The following PTPRR variants were observed in gnomAD, a reference collection of about 807,000 sequenced individuals.
The protein encoded by PTPRR is protein tyrosine phosphatase receptor type R.
Under a neutral mutation model 77.2 loss-of-function variants are expected in PTPRR, and 38 were observed. The ratio of observed to expected loss-of-function variants is 0.49; its 90% CI spans 0.38 to 0.65. The LOEUF is 0.65. PTPRR is among the 30% of genes least tolerant of loss of function. The pLI, the probability that PTPRR is intolerant of heterozygous loss-of-function variation, is 0.00. For missense variants in PTPRR, 744 were observed against 799.2 expected, an observed-to-expected ratio of 0.93 and a Z score of 0.83; for synonymous variants, 299 against 283.1, an observed-to-expected ratio of 1.06 and a Z score of -0.57.
chr12:70,670,553 T>C (rs1887185098), intron 10 of PTPRR, among the ~76,000 whole-genome samples: 1 of 152,252 alleles, frequency 6.6e-6, no homozygotes, highest in Non-Finnish European at 1.5e-5. Context: ...CAATAAATGG[T>C]AGTGGCTAGA....
At chr12:70,695,523 C>A (rs565902762) in intron 8 of PTPRR, among the ~76,000 whole-genome samples, 51 of 152,238 alleles carry the variant, frequency 3.4e-4, no homozygotes, top group African/African-American at 8.9e-4. Context: ...CTGAATCCAG[C>A]GGTCCACCCA....
At chr12:70,919,458 T>C (rs1455648205) in intron 1 of PTPRR, among the ~76,000 whole-genome samples, 4 of 152,184 alleles carry the variant, frequency 2.6e-5, no homozygotes, top group Admixed American at 2.0e-4. Flanking sequence ...CTGCATTAAA[T>C]AGAGGTGCTA....
At chr12:70,836,559 C>A (rs1188796282) in intron 2 of PTPRR, among the ~76,000 whole-genome samples, 1 of 152,044 alleles carries the variant, frequency 6.6e-6, no homozygotes, top group Non-Finnish European at 1.5e-5. Flanking sequence ...CTAGCCCCTT[C>A]TCATCACTCT....
intron 5 of PTPRR, among the ~76,000 whole-genome samples, chr12:70,750,512 C>G (rs1270409943): frequency 6.6e-6 from 1 of 152,136 alleles, no homozygotes; most frequent in East Asian, 1.9e-4. Flanking sequence ...TACTTTAAAT[C>G]AAGCTTATTA....
At chr12:70,853,496 C>G (rs1892604384) in intron 2 of PTPRR, among the ~76,000 whole-genome samples, 2 of 152,244 alleles carry the variant, frequency 1.3e-5, no homozygotes, top group African/African-American at 4.8e-5. Flanking sequence ...TTAAGCAATA[C>G]TGCCTTTGGC....
At chr12:70,885,022 G>A (rs1393317356) in intron 2 of PTPRR, among the ~76,000 whole-genome samples, 2 of 151,528 alleles carry the variant, frequency 1.3e-5, no homozygotes, top group Non-Finnish European at 1.5e-5. Flanking sequence ...TACTCCTTTG[G>A]CTATTTTAAA....
At chr12:70,752,815 G>A (rs1178949788) in intron 5 of PTPRR, among the ~76,000 whole-genome samples, 1 of 152,076 alleles carries the variant, frequency 6.6e-6, no homozygotes, top group Non-Finnish European at 1.5e-5. Context: ...CCATATAAAG[G>A]AAGAATCACG....
At chr12:70,748,529 T>C (rs1229401251) in intron 5 of PTPRR, among the ~76,000 whole-genome samples, 1 of 152,008 alleles carries the variant, frequency 6.6e-6, no homozygotes, top group East Asian at 1.9e-4. Flanking sequence ...AATAAAGTCA[T>C]GTAATAATTT....
Position 70,754,272 on chromosome 12 carries a change from C to T in PTPRR, c.657G>A (p.Ala219=), listed in dbSNP as rs1345353559. The change falls in exon 5 of 14, where the codon GCG becomes GCA. Residue 219 remains alanine (A), a synonymous_variant. Transcript: ENST00000283228. The part of the protein sequence containing the change: ...EKNVLQGQHE[A]DKIWSKEGFY... ...ATCCTTCTTTGCTCCAGATTTTGTC[C>T]GCTTCATGCTGCCCTTGTAAAACAT... is the stretch of plus-strand genomic sequence containing the variant. 4.3e-6 allele frequency: 7 copies of T among 1,613,634 alleles called. No homozygotes were observed. The highest frequency in any genetic ancestry group is 2.2e-5 in the South Asian group (2 of 91,062).
chr12:70,780,205 T>A (rs1891175287), intron 2 of PTPRR, among the ~76,000 whole-genome samples: 1 of 152,126 alleles, frequency 6.6e-6, no homozygotes, highest in Non-Finnish European at 1.5e-5. Context: ...TTGGCCAGGA[T>A]GGTCTTGATC....
intron 6 of PTPRR, among the ~76,000 whole-genome samples, chr12:70,744,291 T>C (rs1890143487): frequency 6.6e-6 from 1 of 152,160 alleles, no homozygotes; most frequent in Non-Finnish European, 1.5e-5. Flanking sequence ...CAGTTAGCCT[T>C]AGGGAGAAAG....
chr12:70,730,971 G>GAGGAGGAAGGAGAGAGGAAGGA, intron 6 of PTPRR, among the ~76,000 whole-genome samples: 1 of 149,354 alleles, frequency 6.7e-6, no homozygotes, highest in Non-Finnish European at 1.5e-5. Flanking sequence ...GAGAGGAAGT[G>GAGGAGGAAGGAGAGAGGAAGGA]AGGAGGAAGG....
chr12:70,639,397 G>T (rs1427130257), intron 13 of PTPRR, 120 bp from the exon 14 acceptor site: 3 of 1,388,110 alleles, frequency 2.2e-6, no homozygotes, highest in African/African-American at 2.9e-5. Flanking sequence ...TCGACCTAGT[G>T]GTTCTTTTGT....
intron 2 of PTPRR, among the ~76,000 whole-genome samples, chr12:70,872,436 C>T (rs1054075113): frequency 2.0e-5 from 3 of 151,916 alleles, no homozygotes; most frequent in Non-Finnish European, 2.9e-5. Context: ...TGGCTCACAC[C>T]TGTAATCCCA....
intron 10 of PTPRR, among the ~76,000 whole-genome samples, chr12:70,669,292 A>T (rs1272401589): frequency 6.6e-6 from 1 of 152,018 alleles, no homozygotes; most frequent in African/African-American, 2.4e-5. Context: ...TTAACAGGTT[A>T]AAGATGAAAC....
At chr12:70,801,871 GC>G (rs1860392970) in intron 2 of PTPRR, among the ~76,000 whole-genome samples, 1 of 152,098 alleles carries the variant, frequency 6.6e-6, no homozygotes, top group South Asian at 2.1e-4. Flanking sequence ...AGAATAAACA[GC>G]TTTTCCTAAG....
At chr12:70,748,086 C>A (rs1890269940) in intron 5 of PTPRR, among the ~76,000 whole-genome samples, 1 of 152,118 alleles carries the variant, frequency 6.6e-6, no homozygotes, top group Non-Finnish European at 1.5e-5. Flanking sequence ...AGGCTCACCA[C>A]ACACCCCCGC....
chr12:70,916,733 T>G (rs1893781159), intron 1 of PTPRR, among the ~76,000 whole-genome samples: 1 of 152,178 alleles, frequency 6.6e-6, no homozygotes, highest in Non-Finnish European at 1.5e-5. Context: ...GCAAATCACC[T>G]CCCAGATCTT....
intron 2 of PTPRR, among the ~76,000 whole-genome samples, chr12:70,861,867 A>G (rs1391454112): frequency 1.3e-5 from 2 of 152,166 alleles, no homozygotes; most frequent in African/African-American, 4.8e-5. Flanking sequence ...TCTAGTTCTT[A>G]AAGGGTACAG....
Sources: allele counts gnomAD v4.1 joint callset (sites outside exome capture counted in the v4.1 genomes callset), GRCh38; gene constraint gnomAD v4.1.1; transcripts MANE v1.5; gene names NCBI Gene and HGNC (gene_info 2026-07-23, HGNC 2026-07-21).